DCAF6: variants seen among roughly 807,000 people sequenced by gnomAD.
DCAF6 encodes DDB1 and CUL4 associated factor 6, also known as DDB1- and CUL4-associated factor 6.
DCAF6 carries 54 observed loss-of-function variants against 125.1 expected under a neutral mutation model. The observed-to-expected ratio is 0.43, with a 90% CI of 0.35 to 0.54. DCAF6 has a LOEUF of 0.54. Among genes scored for constraint, DCAF6 ranks in the 20% least tolerant of loss-of-function variants. The pLI, the probability that DCAF6 is intolerant of heterozygous loss-of-function variation, is 0.01. For missense variants in DCAF6, 934 were observed against 1,161.7 expected, an observed-to-expected ratio of 0.80 and a Z score of 2.85; for synonymous variants, 371 against 390.4, an observed-to-expected ratio of 0.95 and a Z score of 0.58.
chr1:167,930,793 A>C (rs1362974595), upstream of DCAF6, among the ~76,000 whole-genome samples: 2 of 152,240 alleles, frequency 1.3e-5, no homozygotes, highest in African/African-American at 4.8e-5. Flanking sequence ...AGCAAAATTA[A>C]TATTTTTACA....
the DCAF6 span, among the ~76,000 whole-genome samples, chr1:167,927,104 G>T: frequency 6.6e-6 from 1 of 152,182 alleles, no homozygotes; most frequent in Non-Finnish European, 1.5e-5. Context: ...CCATGTTCAG[G>T]ATAGATGCTA....
the DCAF6 span, among the ~76,000 whole-genome samples, chr1:167,925,478 T>TATATATATATATATAC: frequency 2.4e-5 from 3 of 122,608 alleles, no homozygotes; most frequent in African/African-American, 3.4e-5. Context: ...TATATATACA[T>TATATATATATATATAC]ATACATATAC....
the DCAF6 span, among the ~76,000 whole-genome samples, chr1:167,883,937 C>A: frequency 1.3e-5 from 2 of 151,988 alleles, no homozygotes; most frequent in Admixed American, 1.3e-4. Context: ...TTTTGGCTCT[C>A]CTATTTTTAA....
chr1:168,031,095 A>T (rs191422341), intron 12 of DCAF6, among the ~76,000 whole-genome samples: 1 of 152,254 alleles, frequency 6.6e-6, no homozygotes, highest in Non-Finnish European at 1.5e-5. Flanking sequence ...CAGAAAAGAT[A>T]TCAGAGCTCA....
In DCAF6 at chr1:168,044,968, G is replaced by T. The variant is rs567460490; in HGVS notation, c.1999G>T (p.Asp667Tyr). The part of the protein sequence containing the change: ...NSGERNDLNL[D>Y]RSCGVPEESA... ...AGGAGAAAGAAATGACCTCAATCTT[G>T]ATCGCTCTTGTGGGGTTCCAGAAGA... Residue 667 changes from aspartate to tyrosine, a missense_variant, in exon 16 of 22, where the codon GAT becomes TAT. By Grantham distance (160) the Asp-to-Tyr change is radical. Transcript: ENST00000367840. 12 of 1,614,088 alleles carry T rather than the reference G, an allele frequency of 7.4e-6. No individual in the cohort carries two copies. Among genetic ancestry groups the T allele is most frequent in the Middle Eastern group, 1.6e-4 (1 of 6,062 alleles).
intron 1 of DCAF6, 137 bp from the exon 2 acceptor site, chr1:167,951,663 A>C (rs1673970250): frequency 3.3e-6 from 2 of 607,072 alleles, no homozygotes. Flanking sequence ...GCCCAGTATC[A>C]CTCAGTTTAT....
At chr1:167,866,768 A>C in the DCAF6 span, among the ~76,000 whole-genome samples, 1 of 150,460 alleles carries the variant, frequency 6.6e-6, no homozygotes, top group Non-Finnish European at 1.5e-5. Flanking sequence ...AAAAAAAAAG[A>C]ATGGTTATCT....
chr1:167,987,570 C>T lies in DCAF6; in HGVS notation c.514C>T (p.Arg172Cys), dbSNP rs1680191601. The T allele has an allele frequency of 2.5e-6, 4 of 1,602,492 alleles. No individual in the cohort carries two copies. Among genetic ancestry groups the T allele is most frequent in the East Asian group, 2.2e-5 (1 of 44,702 alleles). The change falls in exon 5 of 22, where the codon CGC (arginine) becomes TGC (cysteine). Residue 172 changes from arginine (R) to cysteine (C), a missense_variant. Arg to Cys is a radical substitution (Grantham distance 180, BLOSUM62 -3). This residue lies in a region of DCAF6 where 309 missense variants were observed against 381.2 expected (regional missense o/e 0.81). Transcript: ENST00000367840. ...TGGAACTGTTAGGTGGTTTGATACA[C>T]GCATCAAAACTAGCTGCACAAAAGA... Reference protein sequence around the residue: ...EDGTVRWFDTRIKTSCTKEDC... With the variant: ...EDGTVRWFDTCIKTSCTKEDC...
the DCAF6 span, among the ~76,000 whole-genome samples, chr1:167,865,406 G>T: frequency 2.0e-5 from 3 of 152,102 alleles, no homozygotes; most frequent in Non-Finnish European, 4.4e-5. Context: ...GCACCAACCT[G>T]CTCTTTAACA....
At chr1:167,952,362 T>G (rs961969845) in intron 2 of DCAF6, among the ~76,000 whole-genome samples, 1 of 151,896 alleles carries the variant, frequency 6.6e-6, no homozygotes, top group African/African-American at 2.4e-5. Context: ...GGACTACAGG[T>G]GCCTGCCACC....
intron 10 of DCAF6, among the ~76,000 whole-genome samples, chr1:168,013,439 T>C (rs917299947): frequency 7.9e-5 from 12 of 152,240 alleles, no homozygotes; most frequent in African/African-American, 2.4e-4. Context: ...TTTGGTAGTT[T>C]GTATAATTTC....
At chr1:168,023,107 A>G (rs1685871359) in intron 12 of DCAF6, 60 bp downstream of exon 12, 3 of 1,493,946 alleles carry the variant, frequency 2.0e-6, no homozygotes, top group African/African-American at 2.8e-5. Context: ...CAATGCATAT[A>G]CTAAGCTCTC....
intron 1 of DCAF6, among the ~76,000 whole-genome samples, chr1:167,951,148 T>C (rs1031851384): frequency 5.3e-5 from 8 of 152,232 alleles, no homozygotes; most frequent in African/African-American, 1.9e-4. Context: ...CTTTTTGTTT[T>C]ATTTTACCAC....
At chr1:167,876,803 T>C in the DCAF6 span, among the ~76,000 whole-genome samples, 50,465 of 152,114 alleles carry the variant, frequency 0.33, 9,454 homozygotes, top group African/African-American at 0.5. Context: ...TGAATGCTTT[T>C]GTCAATGGAC....
the DCAF6 span, chr1:167,896,669 GGGGGTGGTT>G: frequency 2.5e-6 from 4 of 1,612,848 alleles, no homozygotes; most frequent in Non-Finnish European, 3.4e-6. Context: ...ATTAAAATTG[GGGGGTGGTT>G]TTAAGAAGTT....
chr1:168,059,351 T>C (rs1377942816), intron 17 of DCAF6, among the ~76,000 whole-genome samples: 1 of 152,212 alleles, frequency 6.6e-6, no homozygotes, highest in East Asian at 1.9e-4. Context: ...GTTTCTAGGC[T>C]CTTTTGTTTC....
intron 12 of DCAF6, among the ~76,000 whole-genome samples, chr1:168,035,291 C>T (rs1687653653): frequency 6.6e-6 from 1 of 152,106 alleles, no homozygotes; most frequent in African/African-American, 2.4e-5. Context: ...ACAAAAGTTA[C>T]TACAAATTAG....
the DCAF6 span, among the ~76,000 whole-genome samples, chr1:167,879,157 C>T: frequency 5.9e-5 from 9 of 152,298 alleles, no homozygotes; most frequent in South Asian, 1.9e-3. Flanking sequence ...CAGGGTTGAA[C>T]ACCAGCTCTA....
At chr1:167,880,964 G>C in the DCAF6 span, among the ~76,000 whole-genome samples, 1 of 152,116 alleles carries the variant, frequency 6.6e-6, no homozygotes, top group Non-Finnish European at 1.5e-5. Context: ...ACCAGCTCTG[G>C]AATCAGAAAG....
Sources: allele counts gnomAD v4.1 joint callset (sites outside exome capture counted in the v4.1 genomes callset), GRCh38; gene constraint gnomAD v4.1.1; regional missense constraint gnomAD v4.1.1; transcripts MANE v1.5; gene names NCBI Gene and HGNC (gene_info 2026-07-23, HGNC 2026-07-21).